Variants in NEFL observed in about 807,000 individuals in gnomAD.
NEFL encodes neurofilament light polypeptide.
Under a neutral mutation model 51.6 loss-of-function variants are expected in NEFL, and 36 were observed. The observed-to-expected ratio is 0.70, with a 90% CI of 0.53 to 0.92. The LOEUF is 0.92. Among genes scored for constraint, NEFL ranks in the 40% least tolerant of loss-of-function variants. NEFL has a pLI of 0.00. For missense variants in NEFL, 671 were observed against 722.0 expected, an observed-to-expected ratio of 0.93 and a Z score of 0.81; for synonymous variants, 332 against 302.5, an observed-to-expected ratio of 1.10 and a Z score of -1.01.
Position 24,951,090 on chromosome 8 carries a change from G to C in NEFL, c.*1720C>G, listed in dbSNP as rs1333408421. ...TACTTTTTGCACATAGCTTGCATCT[G>C]TTTGAGACTTACCATGTACATCAAC... On this transcript the variant is annotated 3_prime_UTR_variant, in exon 4 of 4. Transcript: ENST00000610854. The C allele has an allele frequency of 6.6e-6, 1 of 152,610 alleles. No individual in the cohort carries two copies. The highest frequency in any genetic ancestry group is 1.5e-5 in the Non-Finnish European group (1 of 68,028). 9.5% of individuals were successfully genotyped at this position (152,610 alleles called of 1,614,324 possible). A position where few individuals can be genotyped will look rare whatever the true frequency, so the allele number is the denominator to read the frequency against.
In NEFL at chr8:24,952,472, A is replaced by C. The variant is rs1307689593; in HGVS notation, c.*338T>G. 4.5e-6 allele frequency: 1 copy of C among 220,324 alleles called. No individual in the cohort carries two copies. Among genetic ancestry groups the C allele is most frequent in the African/African-American group, 2.3e-5 (1 of 44,072 alleles). The allele number at this position is 220,324 out of a possible 1,614,324, so 13.6% of individuals were successfully genotyped here. A position where few individuals can be genotyped will look rare whatever the true frequency, so the allele number is the denominator to read the frequency against. ...GGTTCAAAGGACTATTTTTCCATGA[A>C]GTTTAACATTAACATTAGTGAATTC... On this transcript the variant is annotated 3_prime_UTR_variant, in exon 4 of 4. Transcript: ENST00000610854.
Position 24,956,263 on chromosome 8 carries a change from A to C in NEFL, c.253T>G (p.Ser85Ala). ...TGCGCCTTCTCCTGCGTGCGGATGG[A>C]CTTGAGGTCGTTGCTGATGGCGGCT... Reference protein sequence around the residue: ...QVAAISNDLKSIRTQEKAQLQ... With the variant: ...QVAAISNDLKAIRTQEKAQLQ... The change falls in exon 1 of 4, where the codon TCC (serine) becomes GCC (alanine). Residue 85 changes from serine (S) to alanine (A), a missense_variant. Coordinates refer to ENST00000610854, the MANE Select transcript of NEFL (RefSeq NM_006158.5). The surrounding 1 kb of genome is among the most constrained non-coding windows in gnomAD (Gnocchi z 5.9). The C allele has an allele frequency of 6.2e-7, 1 of 1,611,920 alleles. No homozygotes were observed. The highest frequency in any genetic ancestry group is 8.5e-7 in the Non-Finnish European group (1 of 1,179,182).
Position 24,953,627 on chromosome 8 carries a change from A to G in NEFL, c.1338T>C (p.His446=). 6.2e-7 allele frequency: 1 copy of G among 1,613,954 alleles called. No homozygotes were observed. Among genetic ancestry groups the G allele is most frequent in the Non-Finnish European group, 8.5e-7 (1 of 1,179,880 alleles). The part of the protein sequence containing the change: ...TRSFPSYYTS[H]VQEEQIEVEE... The stretch of plus-strand genomic sequence containing the variant: ...CCACTTCGATCTGCTCCTCTTGGAC[A>G]TGGCTGGTGTAGTAGGACGGGAAGG... Residue 446 remains histidine, a synonymous_variant, in exon 3 of 4, where the codon CAT becomes CAC. Coordinates refer to ENST00000610854, the MANE Select transcript of NEFL (RefSeq NM_006158.5).
At position 24,956,376 on chromosome 8, in the gene NEFL, A is replaced by C; in HGVS notation, c.140T>G (p.Val47Gly). ...GCGGCGCACGGACAGCGAGGAAGAC[A>C]CCGGCGCCGAGTAGCTGGAGTAAGC... is the stretch of plus-strand genomic sequence containing the variant. ...RSAYSSYSAP[V>G]SSSLSVRRSY... The change falls in exon 1 of 4, where the codon GTG (valine) becomes GGG (glycine). Residue 47 changes from valine (V) to glycine (G), a missense_variant. Transcript: ENST00000610854. This position sits in a 1 kb window ranked among gnomAD's most constrained non-coding sequence, Gnocchi z 5.9. 6.2e-7 allele frequency: 1 copy of C among 1,606,166 alleles called. No individual in the cohort carries two copies. Among genetic ancestry groups the C allele is most frequent in the Non-Finnish European group, 8.5e-7 (1 of 1,176,828 alleles).
Position 24,955,305 on chromosome 8 carries a change from T to A in NEFL, c.1044+167A>T. 1 of 667,198 alleles carries A rather than the reference T, an allele frequency of 1.5e-6. No individual in the cohort carries two copies. Among genetic ancestry groups the A allele is most frequent in the Non-Finnish European group, 2.5e-6 (1 of 401,580 alleles). 41.3% of individuals were successfully genotyped at this position (667,198 alleles called of 1,614,324 possible). A position where few individuals can be genotyped will look rare whatever the true frequency, so the allele number is the denominator to read the frequency against. On this transcript the variant is annotated intron_variant, in intron 1 of 3. Coordinates refer to ENST00000610854, the MANE Select transcript of NEFL (RefSeq NM_006158.5). The surrounding 1 kb of genome is among the most constrained non-coding windows in gnomAD (Gnocchi z 4.0). ...TCCCAGACTACAGTGGCGCCCGCAC[T>A]CACGCCCTTCAAGTGCCCCACCCCT...
rs906329609 is a variant in NEFL, at chr8:24,951,140, A to G, written c.*1670T>C. 9 of 152,582 alleles carry G rather than the reference A, an allele frequency of 5.9e-5. No individual in the cohort carries two copies. The highest frequency in any genetic ancestry group is 1.7e-4 in the African/African-American group (7 of 41,444). 9.5% of individuals were successfully genotyped at this position (152,582 alleles called of 1,614,324 possible). ...CCCAGGTCTAGTAAGCAGAAATGTG[A>G]AAAGTTTTGTTTCTGAGGAGACGCC... On this transcript the variant is annotated 3_prime_UTR_variant, in exon 4 of 4. Transcript: ENST00000610854.
rs1803042110 is a variant in NEFL at position 24,955,836 on chromosome 8, T to C, written c.680A>G (p.His227Arg). 6.2e-7 allele frequency: 1 copy of C among 1,610,958 alleles called. No individual in the cohort carries two copies. The highest frequency in any genetic ancestry group is 1.3e-5 in the African/African-American group (1 of 74,938). Residue 227 changes from histidine to arginine, a missense_variant, in exon 1 of 4, where the codon CAC (histidine) becomes CGC (arginine). Transcript: ENST00000610854. The surrounding 1 kb of genome is among the most constrained non-coding windows in gnomAD (Gnocchi z 4.0). ...MDEISFLKKV[H>R]EEEIAELQAQ... ...CTGCAGTTCGGCGATCTCCTCTTCG[T>C]GCACTTTCTTCAGAAAAGAGATTTC...
intron 2 of NEFL, 140 bp from the exon 3 acceptor site, chr8:24,953,935 A>G: frequency 7.9e-7 from 1 of 1,271,600 alleles, no homozygotes; most frequent in Non-Finnish European, 1.1e-6. Flanking sequence ...GATGGAGACC[A>G]GAAAAAATAT....
chr8:24,952,821 TCTTAGCTG>T lies in NEFL; in HGVS notation c.1613_1620del (p.Ala538GlufsTer50), dbSNP rs1363814708. 1 of 1,613,800 alleles carries T rather than the reference TCTTAGCTG, an allele frequency of 6.2e-7. No individual in the cohort carries two copies. Among genetic ancestry groups the T allele is most frequent in the African/African-American group, 1.3e-5 (1 of 74,928 alleles). On this transcript the variant is annotated frameshift_variant, in exon 4 of 4. Coordinates refer to ENST00000610854, the MANE Select transcript of NEFL (RefSeq NM_006158.5). LOFTEE classifies it high-confidence loss of function. ...AAGGAAATGGGGGTTCAATCTTTCT[TCTTAGCTG>T]CTTGTTCCTCCCCAGCACCTTCAAC...
Position 24,955,191 on chromosome 8 carries a change from A to C in NEFL, c.1044+281T>G. ...CTGATCTCACTGCAGGCCGGAGGCA[A>C]CGCCCAATTCCCACGTCTTCCCCTC... On this transcript the variant is annotated intron_variant, in intron 1 of 3. Coordinates refer to ENST00000610854, the MANE Select transcript of NEFL (RefSeq NM_006158.5). This position sits in a 1 kb window ranked among gnomAD's most constrained non-coding sequence, Gnocchi z 4.0. The C allele has an allele frequency of 1.9e-6, 1 of 513,730 alleles. No homozygotes were observed. The highest frequency in any genetic ancestry group is 3.5e-6 in the Non-Finnish European group (1 of 289,388). 31.8% of individuals were successfully genotyped at this position (513,730 alleles called of 1,614,324 possible). A position where few individuals can be genotyped will look rare whatever the true frequency, so the allele number is the denominator to read the frequency against.
At chr8:24,954,409 G>C in intron 1 of NEFL, 104 bp from the exon 2 acceptor site, 1 of 1,285,338 alleles carries the variant, frequency 7.8e-7, no homozygotes. Flanking sequence ...TTAAAATCAA[G>C]GTGCACACCT....
rs760096270 is a variant in NEFL, at chr8:24,955,443, G to T, written c.1044+29C>A. 3.8e-6 allele frequency: 5 copies of T among 1,321,220 alleles called. No homozygotes were observed. Among genetic ancestry groups the T allele is most frequent in the African/African-American group, 1.6e-5 (1 of 62,840 alleles). The allele number at this position is 1,321,220 out of a possible 1,614,324, so 81.8% of individuals were successfully genotyped here. ...ACTCCCCCCCTTGCTCGAGTCCCCC[G>T]CCCCCCTGTGTTTCTGGCCGTGCCG... is the stretch of plus-strand genomic sequence containing the variant. On this transcript the variant is annotated intron_variant, in intron 1 of 3. Coordinates refer to ENST00000610854, the MANE Select transcript of NEFL (RefSeq NM_006158.5). The surrounding 1 kb of genome is among the most constrained non-coding windows in gnomAD (Gnocchi z 4.0).
rs959990771 is a variant in NEFL at position 24,955,092 on chromosome 8, C to A, written c.1044+380G>T. ...TTCAGAATTAATTGAGAGTTGTTCA[C>A]TCTACTATTTATTAACTAGATGATC... On this transcript the variant is annotated intron_variant, in intron 1 of 3. Coordinates refer to ENST00000610854, the MANE Select transcript of NEFL (RefSeq NM_006158.5). This position sits in a 1 kb window ranked among gnomAD's most constrained non-coding sequence, Gnocchi z 4.0. 3.5e-5 allele frequency: 8 copies of A among 227,822 alleles called. No individual in the cohort carries two copies. Among genetic ancestry groups the A allele is most frequent in the Non-Finnish European group, 6.9e-5 (8 of 115,296 alleles). 14.1% of individuals were successfully genotyped at this position (227,822 alleles called of 1,614,324 possible). A position where few individuals can be genotyped will look rare whatever the true frequency, so the allele number is the denominator to read the frequency against.
Position 24,952,917 on chromosome 8 carries a change from C to A in NEFL, c.1525G>T (p.Glu509Ter), listed in dbSNP as rs770809108. The change falls in exon 4 of 4, where the codon GAA becomes TAA. Residue 509 changes from glutamate to a stop codon, truncating the protein, a stop_gained. Coordinates refer to ENST00000610854, the MANE Select transcript of NEFL (RefSeq NM_006158.5). LOFTEE classifies it high-confidence loss of function. ...CCTTCTTCACCTTCACCTCCTTCTT[C>A]TTCTTCTTTTGCTTCTTCAGACTCT... ...KEESEEAKEEEEGGEGEEGEE... is the reference protein window; with the variant it reads ...KEESEEAKEE 1.9e-6 allele frequency: 3 copies of A among 1,611,672 alleles called. No individual in the cohort carries two copies. The highest frequency in any genetic ancestry group is 2.5e-6 in the Non-Finnish European group (3 of 1,178,260).
intron 2 of NEFL, 93 bp from the exon 3 acceptor site, chr8:24,953,888 C>G: frequency 6.8e-7 from 1 of 1,459,932 alleles, no homozygotes; most frequent in African/African-American, 1.4e-5. Context: ...AGGAGCAGGG[C>G]TGGGATTTAT....
At position 24,955,988 on chromosome 8, in the gene NEFL, C is replaced by T. The variant is rs760320750; in HGVS notation, c.528G>A (p.Ala176=). 14 of 1,603,728 alleles carry T rather than the reference C, an allele frequency of 8.7e-6. No individual in the cohort carries two copies. The highest frequency in any genetic ancestry group is 1.1e-5 in the Non-Finnish European group (13 of 1,179,122). Reference sequence around the variant, plus strand: ...GGCTCAGCACCTCCTCTTCATAGCGCGCCTGCAGGTTGCGCAGGGTCTCCT... The same window carrying T: ...GGCTCAGCACCTCCTCTTCATAGCGTGCCTGCAGGTTGCGCAGGGTCTCCT... ...GLEETLRNLQ[A]RYEEEVLSRE... is the part of the protein sequence containing the mutation. Residue 176 remains alanine (A), a synonymous_variant, in exon 1 of 4, where the codon GCG becomes GCA. Transcript: ENST00000610854. The surrounding 1 kb of genome is among the most constrained non-coding windows in gnomAD (Gnocchi z 4.0).
intron 1 of NEFL, 85 bp from the exon 2 acceptor site, chr8:24,954,390 T>C: frequency 6.9e-7 from 1 of 1,459,172 alleles, no homozygotes; most frequent in Admixed American, 2.3e-5. Context: ...TGCAAAGGCC[T>C]AGTTTCGATT....
rs983288077 is a variant in NEFL, at chr8:24,952,545, T to C, written c.*265A>G. The C allele has an allele frequency of 1.7e-5, 7 of 413,388 alleles. No individual in the cohort carries two copies. Among genetic ancestry groups the C allele is most frequent in the African/African-American group, 1.2e-4 (6 of 50,028 alleles). The allele number at this position is 413,388 out of a possible 1,614,324, so 25.6% of individuals were successfully genotyped here. A position where few individuals can be genotyped will look rare whatever the true frequency, so the allele number is the denominator to read the frequency against. ...ATTGTAAACATCTGAATGATTCACA[T>C]TGCCGTAGATCCTGAACTCATAAGC... is the stretch of plus-strand genomic sequence containing the variant. On this transcript the variant is annotated 3_prime_UTR_variant, in exon 4 of 4. Transcript: ENST00000610854.
rs1450236716 is a variant in NEFL, at chr8:24,955,986, C to T, written c.530G>A (p.Arg177His). ...GCGGCTCAGCACCTCCTCTTCATAGCGCGCCTGCAGGTTGCGCAGGGTCTC... is the reference window on the plus strand; with the variant it reads ...GCGGCTCAGCACCTCCTCTTCATAGTGCGCCTGCAGGTTGCGCAGGGTCTC... ...LEETLRNLQARYEEEVLSRED... is the reference protein window; with the variant it reads ...LEETLRNLQAHYEEEVLSRED... Residue 177 changes from arginine (R) to histidine (H), a missense_variant, in exon 1 of 4, where the codon CGC becomes CAC. By Grantham distance (29) the Arg-to-His change is conservative. Coordinates refer to ENST00000610854, the MANE Select transcript of NEFL (RefSeq NM_006158.5). The surrounding 1 kb of genome is among the most constrained non-coding windows in gnomAD (Gnocchi z 4.0). 6.2e-7 allele frequency: 1 copy of T among 1,603,498 alleles called. No homozygotes were observed. The highest frequency in any genetic ancestry group is 8.5e-7 in the Non-Finnish European group (1 of 1,179,068).
Sources: allele counts gnomAD v4.1 joint callset, GRCh38; gene constraint gnomAD v4.1.1; non-coding constraint Gnocchi (gnomAD v3.1); transcripts MANE v1.5; gene names NCBI Gene and HGNC (gene_info 2026-07-23, HGNC 2026-07-21).